The following ZHX2 variants were observed in gnomAD, a reference collection of about 807,000 sequenced individuals.
ZHX2 encodes the protein zinc fingers and homeoboxes 2, also known as zinc fingers and homeoboxes protein 2.
Under a neutral mutation model 21.9 loss-of-function variants are expected in ZHX2, and 6 were observed. That is an observed-to-expected ratio of 0.27 (90% CI 0.15 to 0.54). ZHX2 has a LOEUF of 0.54. ZHX2 is among the 20% of genes least tolerant of loss of function. ZHX2 has a pLI of 0.95. For missense variants in ZHX2, 908 were observed against 1,090.7 expected, an observed-to-expected ratio of 0.83 and a Z score of 2.36; for synonymous variants, 434 against 437.1, an observed-to-expected ratio of 0.99 and a Z score of 0.09.
At chr8:122,800,097 C>G (rs1257223575) in intron 1 of ZHX2, among the ~76,000 whole-genome samples, 2 of 152,182 alleles carry the variant, frequency 1.3e-5, no homozygotes, top group African/African-American at 4.8e-5. Context: ...CTCAAGTGAT[C>G]TGCCTGCCTC....
rs28575427 is a variant in ZHX2 at position 122,943,531 on chromosome 8, A to G, written c.-219-7761A>G. ...GGCTGTCATTATTGTTGGGGAATTG[A>G]TTAAGGGAGAATCAGCTGTCACATT... On this transcript the variant is annotated intron_variant, in intron 2 of 3. Transcript: ENST00000314393. Among the ~76,000 whole-genome samples the G allele has an allele frequency of 3.1e-3, 479 of 152,294 alleles. 1 individual carries two copies. Among genetic ancestry groups the G allele is most frequent in the African/African-American group, 0.01 (423 of 41,554 alleles).
chr8:122,879,972 C>CTTTTT (rs35351207), intron 2 of ZHX2, among the ~76,000 whole-genome samples: 1 of 126,402 alleles, frequency 7.9e-6, no homozygotes, highest in Non-Finnish European at 1.6e-5. Flanking sequence ...CTATTGTTAC[C>CTTTTT]TTTTTTTTTT....
chr8:122,820,077 A>G (rs556947545), intron 1 of ZHX2, among the ~76,000 whole-genome samples: 2 of 152,356 alleles, frequency 1.3e-5, no homozygotes, highest in South Asian at 4.1e-4. Flanking sequence ...CCACTTGGCA[A>G]AAAGAAGGGG....
At chr8:122,912,390 C>A (rs1227015707) in intron 2 of ZHX2, among the ~76,000 whole-genome samples, 3 of 152,208 alleles carry the variant, frequency 2.0e-5, no homozygotes, top group South Asian at 2.1e-4. Flanking sequence ...CTCCTCACAG[C>A]CCCACCAATG....
intron 1 of ZHX2, among the ~76,000 whole-genome samples, chr8:122,827,545 CTG>C (rs1818288455): frequency 6.6e-6 from 1 of 152,088 alleles, no homozygotes; most frequent in Non-Finnish European, 1.5e-5. Context: ...GATGAGAAAA[CTG>C]AGGCTCAAAA....
intron 2 of ZHX2, among the ~76,000 whole-genome samples, chr8:122,938,999 A>T (rs553635970): frequency 6.6e-6 from 1 of 152,336 alleles, no homozygotes; most frequent in East Asian, 1.9e-4. Context: ...CACAGAGGTG[A>T]GGGGTGAAGC....
intron 2 of ZHX2, among the ~76,000 whole-genome samples, chr8:122,910,700 C>T (rs548528168): frequency 6.6e-6 from 1 of 151,940 alleles, no homozygotes; most frequent in South Asian, 2.1e-4. Flanking sequence ...CTTGCCCAAT[C>T]GAGACCCTTC....
chr8:122,891,253 G>A (rs1819969107), intron 2 of ZHX2, among the ~76,000 whole-genome samples: 1 of 143,148 alleles, frequency 7.0e-6, no homozygotes, highest in Non-Finnish European at 1.5e-5. Context: ...ATTTCTTCCT[G>A]GTTCAATCTT....
chr8:122,848,909 C>T (rs977871488), intron 1 of ZHX2, among the ~76,000 whole-genome samples: 3 of 152,214 alleles, frequency 2.0e-5, no homozygotes, highest in Non-Finnish European at 4.4e-5. Flanking sequence ...CCAGACTCTA[C>T]GCAGTCCTGA....
chr8:122,896,964 G>A (rs1820113519), intron 2 of ZHX2, among the ~76,000 whole-genome samples: 2 of 152,272 alleles, frequency 1.3e-5, no homozygotes, highest in South Asian at 2.1e-4. Flanking sequence ...CCGTGAAATG[G>A]GGATAAATAT....
At chr8:122,961,597 G>A (rs1813446026) in intron 3 of ZHX2, among the ~76,000 whole-genome samples, 1 of 152,190 alleles carries the variant, frequency 6.6e-6, no homozygotes, top group Non-Finnish European at 1.5e-5. Flanking sequence ...CATGGCGGAA[G>A]GCGAAGGGGA....
intron 3 of ZHX2, among the ~76,000 whole-genome samples, chr8:122,959,185 A>G (rs1813381844): frequency 6.6e-6 from 1 of 152,232 alleles, no homozygotes; most frequent in African/African-American, 2.4e-5. Flanking sequence ...ATTTCTGTCA[A>G]CAGTTTCCAA....
chr8:122,815,948 C>T (rs555228958), intron 1 of ZHX2, among the ~76,000 whole-genome samples: 85 of 151,950 alleles, frequency 5.6e-4, no homozygotes, highest in Non-Finnish European at 8.5e-4. Context: ...GGTGTGGTGG[C>T]GCACACCTGC....
intron 2 of ZHX2, among the ~76,000 whole-genome samples, chr8:122,887,603 T>G (rs940365425): frequency 7.2e-5 from 11 of 151,962 alleles, no homozygotes; most frequent in Admixed American, 5.3e-4. Context: ...GGTGCAAAGG[T>G]AAAGCGGTTT....
intron 1 of ZHX2, chr8:122,808,890 A>G (rs964429638): frequency 6.6e-6 from 1 of 152,250 alleles, no homozygotes; most frequent in African/African-American, 2.4e-5. Context: ...AATATTGTCA[A>G]TGTTGTTTCA....
chr8:122,939,930 C>G (rs564154528), intron 2 of ZHX2, among the ~76,000 whole-genome samples: 64 of 152,260 alleles, frequency 4.2e-4, no homozygotes, highest in African/African-American at 1.5e-3. Flanking sequence ...ACCACTCACG[C>G]TAGCTTACTA....
chr8:122,805,527 C>G (rs1353103398), intron 1 of ZHX2, among the ~76,000 whole-genome samples: 1 of 152,236 alleles, frequency 6.6e-6, no homozygotes, highest in East Asian at 1.9e-4. Context: ...GCATCTACTA[C>G]GGACTCAAAG....
At position 122,843,175 on chromosome 8, in the gene ZHX2, T is replaced by C. The variant is rs193181250; in HGVS notation, c.-282-20302T>C. ...AATTACAGCAACAACTGCTATTTAC[T>C]CAGATCTGTTACATGCCAGACTCTG... On this transcript the variant is annotated intron_variant, in intron 1 of 3. Coordinates refer to ENST00000314393, the MANE Select transcript of ZHX2 (RefSeq NM_014943.5). Among the ~76,000 whole-genome samples, 263 of 152,330 alleles carry C rather than the reference T, an allele frequency of 1.7e-3. 2 individuals carry two copies. The Middle Eastern group carries it at 0.031, about 18-fold the overall frequency.
At chr8:122,850,952 C>T (rs1376417033) in intron 1 of ZHX2, among the ~76,000 whole-genome samples, 1 of 152,074 alleles carries the variant, frequency 6.6e-6, no homozygotes, top group Non-Finnish European at 1.5e-5. Flanking sequence ...TGGGGCTCGC[C>T]CTGGGACACA....
Sources: allele counts gnomAD v4.1 joint callset (sites outside exome capture counted in the v4.1 genomes callset), GRCh38; gene constraint gnomAD v4.1.1; transcripts MANE v1.5; gene names NCBI Gene and HGNC (gene_info 2026-07-23, HGNC 2026-07-21).